Variants in CAP2 observed in about 807,000 individuals in gnomAD.
The protein encoded by CAP2 is adenylyl cyclase-associated protein 2.
In CAP2, 24 loss-of-function variants were observed where a neutral mutation model predicts 57.7. The ratio of observed to expected loss-of-function variants is 0.42; its 90% CI spans 0.30 to 0.58. The LOEUF is 0.58. Among genes scored for constraint, CAP2 ranks in the 20% least tolerant of loss-of-function variants. CAP2 has a pLI of 0.22. For synonymous variants in CAP2, 194 were observed against 207.2 expected (o/e 0.94, Z 0.55); for missense variants, 501 against 590.3 (o/e 0.85, Z 1.57).
At chr6:17,504,976 T>C (rs1761939927) in intron 4 of CAP2, among the ~76,000 whole-genome samples, 1 of 152,230 alleles carries the variant, frequency 6.6e-6, no homozygotes, top group Non-Finnish European at 1.5e-5. Context: ...GAATGCATAT[T>C]TATTTTAAAC....
chr6:17,529,237 G>T (rs1443618240), intron 7 of CAP2, among the ~76,000 whole-genome samples: 2 of 152,106 alleles, frequency 1.3e-5, no homozygotes, highest in Non-Finnish European at 2.9e-5. Context: ...TGTAAAATTT[G>T]CAAGTTATTA....
chr6:17,540,829 C>G lies in CAP2; in HGVS notation c.827-144C>G. 3 of 701,194 alleles carry G rather than the reference C, an allele frequency of 4.3e-6. No individual in the cohort carries two copies. In the East Asian group the frequency reaches 7.5e-5, roughly 17 times the overall value. 43.4% of individuals were successfully genotyped at this position (701,194 alleles called of 1,614,324 possible). On this transcript the variant is annotated intron_variant, in intron 8 of 12. Transcript: ENST00000229922. Reference sequence around the variant, plus strand: ...TTGTACAGGACTCAGCTCCTGCATCCTGACTTGGAGAAAGCACTAGACTGT... The same window carrying G: ...TTGTACAGGACTCAGCTCCTGCATCGTGACTTGGAGAAAGCACTAGACTGT...
chr6:17,493,752 A>G (rs1245592863), intron 4 of CAP2, among the ~76,000 whole-genome samples: 2 of 150,006 alleles, frequency 1.3e-5, no homozygotes, highest in Admixed American at 6.7e-5. Context: ...GGAGACCAGA[A>G]AGGAACTGAG....
At chr6:17,532,505 G>C (rs1762669751) in intron 7 of CAP2, among the ~76,000 whole-genome samples, 1 of 150,778 alleles carries the variant, frequency 6.6e-6, no homozygotes, top group Non-Finnish European at 1.5e-5. Flanking sequence ...CAACACTTTG[G>C]GAGGCCGAGG....
chr6:17,416,498 T>A (rs1759278833), intron 1 of CAP2, among the ~76,000 whole-genome samples: 1 of 152,164 alleles, frequency 6.6e-6, no homozygotes, highest in Non-Finnish European at 1.5e-5. Context: ...AAAACTGTGA[T>A]ATAACACTAT....
chr6:17,499,540 T>C (rs1761750199), intron 4 of CAP2, among the ~76,000 whole-genome samples: 1 of 151,760 alleles, frequency 6.6e-6, no homozygotes, highest in Non-Finnish European at 1.5e-5. Context: ...TCTTGAAGAA[T>C]GATTTTTAGA....
At chr6:17,464,388 A>G (rs1760807608) in intron 4 of CAP2, among the ~76,000 whole-genome samples, 2 of 152,214 alleles carry the variant, frequency 1.3e-5, no homozygotes, top group African/African-American at 4.8e-5. Flanking sequence ...ATTTTGAGCT[A>G]AGAATCCTGG....
At chr6:17,536,121 C>G (rs1176068679) in intron 7 of CAP2, 4 of 447,436 alleles carry the variant, frequency 8.9e-6, no homozygotes, top group Non-Finnish European at 1.8e-5. Flanking sequence ...CCGCGCCCAG[C>G]CTTCTCTCTG....
chr6:17,504,936 T>C (rs1472185056), intron 4 of CAP2, among the ~76,000 whole-genome samples: 1 of 152,230 alleles, frequency 6.6e-6, no homozygotes, highest in Non-Finnish European at 1.5e-5. Context: ...TTAATCTATA[T>C]AGATGTCTGT....
At chr6:17,498,090 A>G (rs1761713394) in intron 4 of CAP2, among the ~76,000 whole-genome samples, 1 of 152,256 alleles carries the variant, frequency 6.6e-6, no homozygotes, top group African/African-American at 2.4e-5. Context: ...TGGCCCACAC[A>G]TCATGTCAAC....
At chr6:17,425,363 A>G (rs930684540) in intron 2 of CAP2, among the ~76,000 whole-genome samples, 1 of 152,170 alleles carries the variant, frequency 6.6e-6, no homozygotes, top group African/African-American at 2.4e-5. Flanking sequence ...CTCTGAACCC[A>G]ACAGGTATGG....
intron 4 of CAP2, among the ~76,000 whole-genome samples, chr6:17,472,079 AATC>A (rs1761035517): frequency 2.2e-5 from 2 of 91,022 alleles, no homozygotes; most frequent in Non-Finnish European, 2.1e-5. Flanking sequence ...TCACGCCTGT[AATC>A]CCAGCACTTT....
At chr6:17,416,418 G>T in intron 1 of CAP2, among the ~76,000 whole-genome samples, 1 of 152,176 alleles carries the variant, frequency 6.6e-6, no homozygotes, top group Non-Finnish European at 1.5e-5. Flanking sequence ...TGGCAACCCT[G>T]TGTATAGTAT....
At chr6:17,407,225 T>G (rs966677303) in intron 1 of CAP2, among the ~76,000 whole-genome samples, 2 of 152,164 alleles carry the variant, frequency 1.3e-5, no homozygotes, top group African/African-American at 4.8e-5. Flanking sequence ...CCCTTTTACT[T>G]TGGGCTCCCA....
chr6:17,400,765 T>G (rs1758789554), intron 1 of CAP2, among the ~76,000 whole-genome samples: 1 of 150,880 alleles, frequency 6.6e-6, no homozygotes, highest in South Asian at 2.1e-4. Flanking sequence ...CTCGGGAGGC[T>G]GAGGCAGGAG....
At chr6:17,480,796 A>C (rs1198534764) in intron 4 of CAP2, among the ~76,000 whole-genome samples, 1 of 136,578 alleles carries the variant, frequency 7.3e-6, no homozygotes. Context: ...TTTTTTTGAG[A>C]CAGAGTTTGC....
rs1466954743 is a variant in CAP2 at position 17,513,665 on chromosome 6, G to A, written c.531-184G>A. ...GGCCACCTGCCGCCTCCCCTCAGGA[G>A]AGTACTGGGCCAGCTTCCTCCCAGG... On this transcript the variant is annotated intron_variant, in intron 6 of 12. Coordinates refer to ENST00000229922, the MANE Select transcript of CAP2 (RefSeq NM_006366.3). The surrounding 1 kb of genome is among the most constrained non-coding windows in gnomAD (Gnocchi z 4.3). Among the ~76,000 whole-genome samples, 1 of 152,164 alleles carries A rather than the reference G, an allele frequency of 6.6e-6. No individual in the cohort carries two copies. Among genetic ancestry groups the A allele is most frequent in the Non-Finnish European group, 1.5e-5 (1 of 68,028 alleles).
At chr6:17,497,789 T>C (rs1293903549) in intron 4 of CAP2, among the ~76,000 whole-genome samples, 1 of 152,192 alleles carries the variant, frequency 6.6e-6, no homozygotes, top group Non-Finnish European at 1.5e-5. Flanking sequence ...ACTGTTAGCT[T>C]TTTGCACTAC....
intron 4 of CAP2, among the ~76,000 whole-genome samples, chr6:17,476,581 T>C (rs1009583062): frequency 3.9e-5 from 6 of 152,204 alleles, no homozygotes; most frequent in Non-Finnish European, 7.3e-5. Flanking sequence ...ATCACAGCAT[T>C]CTGAGGCTGT....
Sources: gnomAD v4.1 joint callset for allele counts (sites outside exome capture counted in the v4.1 genomes callset) on GRCh38, gnomAD v4.1.1 for gene constraint, Gnocchi (gnomAD v3.1) non-coding constraint, MANE v1.5 for transcripts, NCBI Gene and HGNC (gene_info 2026-07-23, HGNC 2026-07-21) for gene names.